Variants in RASGEF1A observed in about 807,000 individuals in gnomAD.
The protein encoded by RASGEF1A is RasGEF domain family member 1A.
RASGEF1A carries 18 observed loss-of-function variants against 56.4 expected under a neutral mutation model. The observed-to-expected ratio is 0.32, with a 90% CI of 0.22 to 0.47. RASGEF1A has a LOEUF of 0.47. Among genes scored for constraint, RASGEF1A ranks in the 20% least tolerant of loss-of-function variants. RASGEF1A has a pLI of 1.00. For missense variants in RASGEF1A, 422 were observed against 627.1 expected (o/e 0.67, Z 3.49); for synonymous variants, 245 against 242.6 (o/e 1.01, Z -0.09).
Position 43,200,745 on chromosome 10 carries a change from T to C in RASGEF1A, c.603A>G (p.Pro201=), listed in dbSNP as rs746088591. ...CCAGGATGTCCTTCTGGGCGGCTGGTGGCTTGGTCTTGAGGATGGGCCCCT... is the reference window on the plus strand; with the variant it reads ...CCAGGATGTCCTTCTGGGCGGCTGGCGGCTTGGTCTTGAGGATGGGCCCCT... The part of the protein sequence containing the change: ...VDKGPILKTK[P]PAAQKDILGV... The change falls in exon 5 of 13, where the codon CCA becomes CCG. Residue 201 remains proline, a synonymous_variant. Transcript: ENST00000395810. 5.0e-6 allele frequency: 8 copies of C among 1,613,754 alleles called. No individual in the cohort carries two copies. The highest frequency in any genetic ancestry group is 5.9e-6 in the Non-Finnish European group (7 of 1,180,028).
In RASGEF1A at chr10:43,229,542, G is replaced by A. The variant is rs149861998; in HGVS notation, c.-6-23420C>T. 448 of 1,093,538 alleles carry A rather than the reference G, an allele frequency of 4.1e-4. 3 individuals are homozygous for A. In the East Asian group the frequency reaches 0.012, roughly 29 times the overall value. 67.7% of individuals were successfully genotyped at this position (1,093,538 alleles called of 1,614,324 possible). On this transcript the variant is annotated intron_variant, in intron 1 of 12. Transcript: ENST00000395810. ...CCTCAGGGCGGGCACCCTCCCGCACGGGTCGGGATGCAGGGGACCGTCGCA... is the reference window on the plus strand; with the variant it reads ...CCTCAGGGCGGGCACCCTCCCGCACAGGTCGGGATGCAGGGGACCGTCGCA...
intron 1 of RASGEF1A, chr10:43,206,651 G>A (rs1840000583): frequency 1.7e-5 from 17 of 988,994 alleles, no homozygotes; most frequent in Non-Finnish European, 2.0e-5. Flanking sequence ...TGAGGTGGGA[G>A]CCTGGGGCTC....
chr10:43,206,284 G>A (rs1030530710), intron 1 of RASGEF1A, among the ~76,000 whole-genome samples, 162 bp from the exon 2 acceptor site: 6 of 152,192 alleles, frequency 3.9e-5, no homozygotes, highest in South Asian at 2.1e-4. Context: ...CAGGGCAGGC[G>A]GGCTCCTTGG....
In RASGEF1A at chr10:43,197,048, C is replaced by A. The variant is rs920702094; in HGVS notation, c.1276G>T (p.Val426Leu). The change falls in exon 11 of 13, where the codon GTA becomes TTA. Residue 426 changes from valine (V) to leucine (L), a missense_variant. By Grantham distance (32) the Val-to-Leu change is conservative. Coordinates refer to ENST00000395810, the MANE Select transcript of RASGEF1A (RefSeq NM_145313.4). The part of the protein sequence containing the change: ...QIHEFMTWTQ[V>L]ECPFEKDKKI... ...TTGTCCTTCTCGAAAGGACACTCTA[C>A]CTGTGTCCATGTCATGAACTCATGG... is the stretch of plus-strand genomic sequence containing the variant. 11 of 1,613,552 alleles carry A rather than the reference C, an allele frequency of 6.8e-6. No homozygotes were observed. The Admixed American group carries it at 1.5e-4, about 22-fold the overall frequency.
intron 1 of RASGEF1A, among the ~76,000 whole-genome samples, chr10:43,253,722 T>G (rs891774493): frequency 6.6e-6 from 1 of 152,194 alleles, no homozygotes; most frequent in Non-Finnish European, 1.5e-5. Context: ...AACAGACACC[T>G]GCGTGACCAC....
At chr10:43,246,862 T>C (rs1021575279) in intron 1 of RASGEF1A, among the ~76,000 whole-genome samples, 1 of 152,222 alleles carries the variant, frequency 6.6e-6, no homozygotes, top group African/African-American at 2.4e-5. Flanking sequence ...CATTAGGCAA[T>C]AGTTTCGTAA....
At chr10:43,228,132 G>C (rs1840306966) in intron 1 of RASGEF1A, among the ~76,000 whole-genome samples, 1 of 152,088 alleles carries the variant, frequency 6.6e-6, no homozygotes, top group African/African-American at 2.4e-5. Context: ...TGGCCTCACT[G>C]TCCCACCTCC....
chr10:43,224,829 A>C (rs1481667613), intron 1 of RASGEF1A, among the ~76,000 whole-genome samples: 1 of 152,234 alleles, frequency 6.6e-6, no homozygotes, highest in African/African-American at 2.4e-5. Flanking sequence ...AATTTCTTGG[A>C]TTTTCCAGGA....
At chr10:43,237,630 C>T (rs933497655) in intron 1 of RASGEF1A, among the ~76,000 whole-genome samples, 1 of 152,130 alleles carries the variant, frequency 6.6e-6, no homozygotes. Flanking sequence ...CCCTCCAGTC[C>T]CTGCTGTGCT....
At chr10:43,205,879 C>T in intron 2 of RASGEF1A, 40 bp downstream of exon 2, 1 of 1,515,116 alleles carries the variant, frequency 6.6e-7, no homozygotes, top group Non-Finnish European at 9.1e-7. Flanking sequence ...GAGCCCAGGT[C>T]ACCCCATTAG....
chr10:43,224,080 CA>C, intron 1 of RASGEF1A, among the ~76,000 whole-genome samples: 1 of 152,068 alleles, frequency 6.6e-6, no homozygotes, highest in South Asian at 2.1e-4. Context: ...GACCAATAAC[CA>C]TAGTACAAAT....
intron 1 of RASGEF1A, chr10:43,207,238 G>A: frequency 2.0e-6 from 2 of 985,578 alleles, no homozygotes; most frequent in Non-Finnish European, 2.4e-6. Flanking sequence ...AGGTGGAGAA[G>A]CGAGACCCTC....
chr10:43,203,628 G>C (rs1342019756), intron 2 of RASGEF1A: 7 of 1,198,348 alleles, frequency 5.8e-6, no homozygotes, highest in Non-Finnish European at 7.6e-6. Flanking sequence ...GGCACGGCTC[G>C]AGCCCCGCCT....
chr10:43,262,210 C>T (rs908457552), intron 1 of RASGEF1A, among the ~76,000 whole-genome samples: 6 of 152,248 alleles, frequency 3.9e-5, no homozygotes, highest in South Asian at 2.1e-4. Context: ...CATCAGAACG[C>T]GCCCCCTCTC....
chr10:43,254,450 G>A (rs1013919440), intron 1 of RASGEF1A, among the ~76,000 whole-genome samples: 3 of 152,202 alleles, frequency 2.0e-5, no homozygotes, highest in Admixed American at 2.0e-4. Context: ...AGACCTTCCA[G>A]CCCTGTGGGC....
Position 43,205,991 on chromosome 10 carries a change from A to T in RASGEF1A, c.126T>A (p.Asp42Glu). Residue 42 changes from aspartate to glutamate, a missense_variant, in exon 2 of 13, where the codon GAT (aspartate) becomes GAA (glutamate). This residue lies in a region of RASGEF1A where 273 missense variants were observed against 339.9 expected (regional missense o/e 0.80). Coordinates refer to ENST00000395810, the MANE Select transcript of RASGEF1A (RefSeq NM_145313.4). The stretch of plus-strand genomic sequence containing the variant: ...CCAGGGACCCAGAGATGAGGTGTCC[A>T]TCTTGGAAGATGAGGTCCCCGGAGC... ...GGGSGDLIFQ[D>E]GHLISGSLEA... is the part of the protein sequence containing the mutation. 1 of 1,613,120 alleles carries T rather than the reference A, an allele frequency of 6.2e-7. No individual in the cohort carries two copies. Among genetic ancestry groups the T allele is most frequent in the Non-Finnish European group, 8.5e-7 (1 of 1,179,948 alleles).
rs1422223532 is a variant in RASGEF1A at position 43,266,849 on chromosome 10, G to A, written c.-11C>T. 2 of 145,944 alleles carry A rather than the reference G, an allele frequency of 1.4e-5. No individual in the cohort carries two copies. The highest frequency in any genetic ancestry group is 4.9e-5 in the African/African-American group (2 of 40,730). 9.0% of individuals were successfully genotyped at this position (145,944 alleles called of 1,614,324 possible). A position where few individuals can be genotyped will look rare whatever the true frequency, so the allele number is the denominator to read the frequency against. On this transcript the variant is annotated 5_prime_UTR_variant, in exon 1 of 13. Transcript: ENST00000395810. ...GGGTCCGCGGCCGCTGCCTACCTCGGTCCGGGCCAGCGTCGCTCCCGCGCC... is the reference window on the plus strand; with the variant it reads ...GGGTCCGCGGCCGCTGCCTACCTCGATCCGGGCCAGCGTCGCTCCCGCGCC...
chr10:43,255,065 G>A (rs1176785002), intron 1 of RASGEF1A, among the ~76,000 whole-genome samples: 12 of 152,156 alleles, frequency 7.9e-5, no homozygotes, highest in African/African-American at 2.7e-4. Flanking sequence ...CAGCACCTCC[G>A]GGAAGCCCCA....
intron 1 of RASGEF1A, chr10:43,207,494 G>A (rs1003841771): frequency 7.0e-5 from 69 of 984,402 alleles, no homozygotes; most frequent in Middle Eastern, 5.2e-4. Flanking sequence ...TGGCCCAGAC[G>A]TCACTGGTTT....
Sources: allele counts gnomAD v4.1 joint callset (sites outside exome capture counted in the v4.1 genomes callset), GRCh38; gene constraint gnomAD v4.1.1; regional missense constraint gnomAD v4.1.1; transcripts MANE v1.5; gene names NCBI Gene and HGNC (gene_info 2026-07-23, HGNC 2026-07-21).